The following STXBP4 variants were observed in gnomAD, a reference collection of about 807,000 sequenced individuals.
The protein encoded by STXBP4 is syntaxin binding protein 4.
A neutral mutation model predicts 76.1 loss-of-function variants in STXBP4; 55 were observed. The ratio of observed to expected loss-of-function variants is 0.72; its 90% CI spans 0.58 to 0.91. STXBP4 has a LOEUF of 0.91. STXBP4 is among the 40% of genes least tolerant of loss of function. STXBP4 has a pLI of 0.00. For missense variants in STXBP4, 618 were observed against 636.9 expected, an observed-to-expected ratio of 0.97 and a Z score of 0.32; for synonymous variants, 201 against 220.2, an observed-to-expected ratio of 0.91 and a Z score of 0.77.
At chr17:55,146,784 A>G (rs1036844783) in intron 17 of STXBP4, among the ~76,000 whole-genome samples, 6 of 152,172 alleles carry the variant, frequency 3.9e-5, no homozygotes, top group Non-Finnish European at 5.9e-5. Context: ...AAGCTCACTC[A>G]TGAGGTTATT....
intron 12 of STXBP4, among the ~76,000 whole-genome samples, chr17:55,064,090 G>A (rs908844365): frequency 3.9e-5 from 6 of 152,152 alleles, no homozygotes; most frequent in South Asian, 2.1e-4. Context: ...TTATTCACAA[G>A]CTATTTTAGG....
intron 17 of STXBP4, among the ~76,000 whole-genome samples, chr17:55,145,786 G>T (rs910761843): frequency 1.3e-5 from 2 of 152,058 alleles, no homozygotes; most frequent in African/African-American, 4.8e-5. Context: ...GGTGAGCAGA[G>T]CTTGCTCACT....
the STXBP4 span, among the ~76,000 whole-genome samples, chr17:55,186,722 G>C: frequency 6.6e-6 from 1 of 152,290 alleles, no homozygotes. Flanking sequence ...AATACACAAG[G>C]TCTCTGTGAT....
the STXBP4 span, among the ~76,000 whole-genome samples, chr17:55,182,528 G>A: frequency 2.0e-5 from 3 of 151,958 alleles, no homozygotes; most frequent in Non-Finnish European, 4.4e-5. Flanking sequence ...GGGAAATAAT[G>A]GGTTAGAAAA....
At position 54,999,798 on chromosome 17, in the gene STXBP4, T is replaced by A; in HGVS notation, c.454T>A (p.Ser152Thr). ...TCCTGAAATACTAATCCCAAAGACC[T>A]CATCCACTCCCAAAACAAATAATGA... The part of the protein sequence containing the change: ...SPPEILIPKT[S>T]STPKTNNDIL... The change falls in exon 6 of 18, where the codon TCA becomes ACA. Residue 152 changes from serine (S) to threonine (T), a missense_variant. Coordinates refer to ENST00000376352, the MANE Select transcript of STXBP4 (RefSeq NM_178509.6). 3 of 1,613,436 alleles carry A rather than the reference T, an allele frequency of 1.9e-6. No individual in the cohort carries two copies. Among genetic ancestry groups the A allele is most frequent in the Non-Finnish European group, 2.5e-6 (3 of 1,179,658 alleles).
At chr17:55,135,581 G>A (rs1598341946) in intron 16 of STXBP4, among the ~76,000 whole-genome samples, 1 of 151,872 alleles carries the variant, frequency 6.6e-6, no homozygotes, top group Non-Finnish European at 1.5e-5. Context: ...ATTTATAGGT[G>A]GCAACCATCT....
intron 9 of STXBP4, among the ~76,000 whole-genome samples, chr17:55,033,842 A>G (rs545203031): frequency 9.8e-5 from 15 of 152,354 alleles, no homozygotes; most frequent in Admixed American, 5.2e-4. Context: ...TCTTCCAGCT[A>G]GAAAAGCCAT....
chr17:55,109,713 T>G (rs766901163), intron 16 of STXBP4, among the ~76,000 whole-genome samples: 1 of 142,134 alleles, frequency 7.0e-6, no homozygotes, highest in Non-Finnish European at 1.5e-5. Flanking sequence ...CACTGCAACC[T>G]CCACCTCCTG....
At chr17:55,052,566 A>T (rs2078871796) in intron 12 of STXBP4, among the ~76,000 whole-genome samples, 1 of 152,136 alleles carries the variant, frequency 6.6e-6, no homozygotes, top group Non-Finnish European at 1.5e-5. Context: ...TTCAATGCTA[A>T]ATTTAGGGAA....
intron 12 of STXBP4, among the ~76,000 whole-genome samples, chr17:55,055,241 A>C (rs1257342436): frequency 6.6e-6 from 1 of 152,192 alleles, no homozygotes; most frequent in Non-Finnish European, 1.5e-5. Context: ...GTTGGGGCCT[A>C]CACATATAAG....
chr17:55,064,320 C>T (rs1475121094), intron 12 of STXBP4, among the ~76,000 whole-genome samples: 1 of 151,742 alleles, frequency 6.6e-6, no homozygotes, highest in Non-Finnish European at 1.5e-5. Context: ...CTGCCACATG[C>T]CCTTTATCTT....
chr17:55,001,832 C>G (rs894368262), intron 7 of STXBP4, among the ~76,000 whole-genome samples: 2 of 152,106 alleles, frequency 1.3e-5, no homozygotes, highest in Non-Finnish European at 2.9e-5. Context: ...TGGCGTTTCA[C>G]CATGTTAGCC....
downstream of STXBP4, among the ~76,000 whole-genome samples, chr17:55,177,930 A>C (rs1022125999): frequency 8.5e-5 from 13 of 152,232 alleles, no homozygotes; most frequent in Non-Finnish European, 1.9e-4. Flanking sequence ...AAATTATGGC[A>C]ACCTGGAGTT....
intron 9 of STXBP4, among the ~76,000 whole-genome samples, chr17:55,033,390 A>C (rs948474720): frequency 7.9e-5 from 12 of 151,874 alleles, no homozygotes; most frequent in Admixed American, 7.2e-4. Context: ...TAAATAAATA[A>C]ATAAAATAAA....
intron 10 of STXBP4, among the ~76,000 whole-genome samples, chr17:55,040,328 A>C (rs770385186): frequency 4.6e-5 from 7 of 152,106 alleles, no homozygotes; most frequent in Non-Finnish European, 8.8e-5. Context: ...AGTGAAAGGA[A>C]TGAGCAGGGA....
At chr17:54,978,876 TTC>T (rs879436638) in intron 1 of STXBP4, among the ~76,000 whole-genome samples, 2 of 152,326 alleles carry the variant, frequency 1.3e-5, no homozygotes, top group Admixed American at 6.5e-5. Context: ...ATTCTACACA[TTC>T]TGTTTTTACC....
At chr17:55,045,622 G>A (rs2078774496) in intron 11 of STXBP4, among the ~76,000 whole-genome samples, 1 of 151,958 alleles carries the variant, frequency 6.6e-6, no homozygotes, top group South Asian at 2.1e-4. Flanking sequence ...CAATAAATCA[G>A]GATTTACCTT....
At chr17:55,185,245 T>TCTCCTTCTCCTTCTC in the STXBP4 span, among the ~76,000 whole-genome samples, 1 of 57,976 alleles carries the variant, frequency 1.7e-5, no homozygotes, top group Non-Finnish European at 3.3e-5. Context: ...TTCTTCTTCT[T>TCTCCTTCTCCTTCTC]CTTCTCCTTC....
At chr17:54,992,072 A>G (rs2077726406) in intron 4 of STXBP4, among the ~76,000 whole-genome samples, 2 of 152,066 alleles carry the variant, frequency 1.3e-5, no homozygotes, top group Non-Finnish European at 2.9e-5. Context: ...CAATTGTTTT[A>G]TGCTTGTTCA....
Sources: gnomAD v4.1 joint callset for allele counts (sites outside exome capture counted in the v4.1 genomes callset) on GRCh38, gnomAD v4.1.1 for gene constraint, MANE v1.5 for transcripts, NCBI Gene and HGNC (gene_info 2026-07-23, HGNC 2026-07-21) for gene names.